Variants in LMX1A observed in about 807,000 individuals in gnomAD.
LMX1A encodes LIM homeobox transcription factor 1 alpha, also known as LIM homeobox transcription factor 1-alpha.
A neutral mutation model predicts 49.1 loss-of-function variants in LMX1A; 15 were observed. That is an observed-to-expected ratio of 0.31 (90% confidence interval 0.20 to 0.47). The LOEUF is 0.47. Among genes scored for constraint, LMX1A ranks in the 20% least tolerant of loss-of-function variants. The pLI, the probability that LMX1A is intolerant of heterozygous loss-of-function variation, is 1.00. For missense variants in LMX1A, 372 were observed against 475.8 expected (o/e 0.78, Z 2.03); for synonymous variants, 167 against 185.7 (o/e 0.90, Z 0.82).
chr1:165,272,478 C>T (rs1653825673), intron 3 of LMX1A, among the ~76,000 whole-genome samples: 2 of 152,146 alleles, frequency 1.3e-5, no homozygotes, highest in South Asian at 4.1e-4. Context: ...CCTGCCTCTT[C>T]CCCCTCAGTC....
intron 3 of LMX1A, among the ~76,000 whole-genome samples, chr1:165,290,515 C>T (rs1321147575): frequency 1.3e-5 from 2 of 152,142 alleles, no homozygotes; most frequent in African/African-American, 4.8e-5. Context: ...ATTTCAGGCC[C>T]ACCCAGACAA....
intron 3 of LMX1A, among the ~76,000 whole-genome samples, chr1:165,284,602 C>T (rs1434591716): frequency 1.3e-5 from 2 of 152,230 alleles, no homozygotes; most frequent in Non-Finnish European, 2.9e-5. Context: ...AAATCTGAGC[C>T]AGCTGATATT....
intron 4 of LMX1A, among the ~76,000 whole-genome samples, chr1:165,214,775 C>T (rs1651578791): frequency 6.6e-6 from 1 of 152,236 alleles, no homozygotes; most frequent in African/African-American, 2.4e-5. Context: ...AACTAGTCAA[C>T]ATTGCTTTTC....
At chr1:165,336,460 G>A (rs1655901777) in intron 3 of LMX1A, among the ~76,000 whole-genome samples, 1 of 152,092 alleles carries the variant, frequency 6.6e-6, no homozygotes, top group Admixed American at 6.6e-5. Context: ...TCACTTGCTT[G>A]CCTCCTTTAC....
At position 165,202,605 on chromosome 1, in the gene LMX1A, C is replaced by T. The variant is rs1165743385; in HGVS notation, c.*1275G>A. On this transcript the variant is annotated 3_prime_UTR_variant, in exon 9 of 9. Transcript: ENST00000342310. ...ATGACCTCAAAAAAAAAGTAAAAACCATTCTTTGCTGGCAAGCCATAGAAA... is the reference window on the plus strand; with the variant it reads ...ATGACCTCAAAAAAAAAGTAAAAACTATTCTTTGCTGGCAAGCCATAGAAA... 6.6e-6 allele frequency: 1 copy of T among 151,978 alleles called. No individual in the cohort carries two copies. The highest frequency in any genetic ancestry group is 1.5e-5 in the Non-Finnish European group (1 of 67,970). 9.4% of individuals were successfully genotyped at this position (151,978 alleles called of 1,614,324 possible). A position where few individuals can be genotyped will look rare whatever the true frequency, so the allele number is the denominator to read the frequency against.
intron 3 of LMX1A, among the ~76,000 whole-genome samples, chr1:165,346,946 T>TG (rs1225173031): frequency 6.6e-6 from 1 of 152,208 alleles, no homozygotes; most frequent in South Asian, 2.1e-4. Flanking sequence ...ATTTGACATT[T>TG]GGGGGGTGTT....
At chr1:165,322,175 A>G (rs1411776590) in intron 3 of LMX1A, among the ~76,000 whole-genome samples, 1 of 152,190 alleles carries the variant, frequency 6.6e-6, no homozygotes, top group Non-Finnish European at 1.5e-5. Flanking sequence ...ATGAAAAATA[A>G]TGAGTGTTGG....
intron 3 of LMX1A, among the ~76,000 whole-genome samples, chr1:165,258,240 G>A (rs769830462): frequency 6.6e-5 from 10 of 152,178 alleles, no homozygotes; most frequent in Non-Finnish European, 1.3e-4. Flanking sequence ...TGGGAGTCTG[G>A]GAGACCATGT....
chr1:165,247,665 A>G (rs895998534), intron 4 of LMX1A, among the ~76,000 whole-genome samples: 4 of 152,358 alleles, frequency 2.6e-5, no homozygotes, highest in Admixed American at 2.6e-4. Flanking sequence ...CGGCTGCTAC[A>G]AAGATGCTAA....
chr1:165,224,126 A>G (rs1183597101), intron 4 of LMX1A, among the ~76,000 whole-genome samples: 1 of 152,120 alleles, frequency 6.6e-6, no homozygotes, highest in East Asian at 1.9e-4. Context: ...ATGAGATCAG[A>G]TTGCTTAAGT....
intron 3 of LMX1A, among the ~76,000 whole-genome samples, chr1:165,298,646 C>T (rs1196023330): frequency 4.6e-5 from 7 of 152,212 alleles, no homozygotes; most frequent in South Asian, 4.1e-4. Flanking sequence ...CAAAAGAAAC[C>T]GAGGTGGCAT....
chr1:165,241,051 G>C (rs1379064297), intron 4 of LMX1A, among the ~76,000 whole-genome samples: 1 of 152,178 alleles, frequency 6.6e-6, no homozygotes, highest in South Asian at 2.1e-4. Flanking sequence ...CTTCAAGACT[G>C]TTTTTCCCCC....
intron 7 of LMX1A, 105 bp from the exon 8 acceptor site, chr1:165,206,139 C>A: frequency 9.8e-7 from 1 of 1,016,336 alleles, no homozygotes; most frequent in South Asian, 1.8e-5. Flanking sequence ...GATGAGGTGA[C>A]ATCAGTGGTC....
At position 165,204,002 on chromosome 1, in the gene LMX1A, TGTC is replaced by T; in HGVS notation, c.1024_1026del (p.Asp342del). 1.2e-6 allele frequency: 2 copies of T among 1,613,966 alleles called. No individual in the cohort carries two copies. Among genetic ancestry groups the T allele is most frequent in the Non-Finnish European group, 1.7e-6 (2 of 1,179,992 alleles). Reference sequence around the variant, plus strand: ...CAATCACCCAGGTTACTGAGGGAGGTGTCGTCGCTATCCAGGTCATGGAAAAGG... The same window carrying T: ...CAATCACCCAGGTTACTGAGGGAGGTGTCGCTATCCAGGTCATGGAAAAGG... On this transcript the variant is annotated inframe_deletion, in exon 9 of 9. Coordinates refer to ENST00000342310, the MANE Select transcript of LMX1A (RefSeq NM_177398.4).
In LMX1A at chr1:165,331,917, G is replaced by A. The variant is rs919534282; in HGVS notation, c.263+21159C>T. Among the ~76,000 whole-genome samples the A allele has an allele frequency of 3.3e-5, 5 of 151,680 alleles. No individual in the cohort carries two copies. In the East Asian group the frequency reaches 5.8e-4, roughly 18 times the overall value. On this transcript the variant is annotated intron_variant, in intron 3 of 8. Transcript: ENST00000342310. ...GGGCAACAAAGTGAGACACGGTCTC[G>A]AAAAAATAAAATAAAAATTAAAAAG...
At chr1:165,318,345 G>C (rs1043266673) in intron 3 of LMX1A, among the ~76,000 whole-genome samples, 3 of 152,232 alleles carry the variant, frequency 2.0e-5, no homozygotes, top group Admixed American at 6.5e-5. Flanking sequence ...CTCCCAGGTA[G>C]CTGAGACAGA....
intron 4 of LMX1A, among the ~76,000 whole-genome samples, chr1:165,214,996 A>C (rs998918361): frequency 2.0e-4 from 31 of 152,198 alleles, no homozygotes; most frequent in Non-Finnish European, 3.8e-4. Flanking sequence ...CCTGTGTAAG[A>C]GAGACTTCTT....
chr1:165,344,826 C>T (rs35055340), intron 3 of LMX1A, among the ~76,000 whole-genome samples: 8,086 of 152,292 alleles, frequency 0.053, 348 homozygotes, highest in South Asian at 0.18. Context: ...CAAAAACTAA[C>T]ACCTTCTCCT....
intron 3 of LMX1A, among the ~76,000 whole-genome samples, chr1:165,327,936 C>T (rs58809741): frequency 0.026 from 3,929 of 152,336 alleles, 177 homozygotes; most frequent in African/African-American, 0.09. Flanking sequence ...CAGCCACCAC[C>T]TCGACTTAGA....
Sources: allele counts gnomAD v4.1 joint callset (sites outside exome capture counted in the v4.1 genomes callset), GRCh38; gene constraint gnomAD v4.1.1; transcripts MANE v1.5; gene names NCBI Gene and HGNC (gene_info 2026-07-23, HGNC 2026-07-21).